GPX8: variants seen among roughly 807,000 people sequenced by gnomAD.
The protein encoded by GPX8 is glutathione peroxidase 8 (putative).
A neutral mutation model predicts 17.8 loss-of-function variants in GPX8; 12 were observed. The ratio of observed to expected loss-of-function variants is 0.67; its 90% CI spans 0.43 to 1.09. GPX8 has a LOEUF of 1.09. Among genes scored for constraint, GPX8 ranks in the 50% least tolerant of loss-of-function variants. The pLI is 0.00. For missense variants in GPX8, 209 were observed against 235.6 expected (o/e 0.89, Z 0.74); for synonymous variants, 86 against 88.1 (o/e 0.98, Z 0.14).
intron 2 of GPX8, among the ~76,000 whole-genome samples, chr5:55,162,887 C>CCTT (rs1286259832): frequency 6.6e-6 from 1 of 152,148 alleles, no homozygotes; most frequent in African/African-American, 2.4e-5. Context: ...GATCATAGAG[C>CCTT]CCAAAGGTTA....
intron 2 of GPX8, among the ~76,000 whole-genome samples, chr5:55,163,024 C>T (rs910247296): frequency 1.3e-5 from 2 of 152,096 alleles, no homozygotes; most frequent in African/African-American, 4.8e-5. Context: ...TAATACCCAC[C>T]TCATAGGGTC....
Position 55,166,642 on chromosome 5 carries a change from T to C in GPX8, c.*2424T>C, listed in dbSNP as rs939878863. The stretch of plus-strand genomic sequence containing the variant: ...GAGGAAAAGTTGAATCTTTCCTATA[T>C]TGGACAATCTTCCTTCAGTCTTGTT... On this transcript the variant is annotated 3_prime_UTR_variant, in exon 3 of 3. Transcript: ENST00000503787. 1 of 152,206 alleles carries C rather than the reference T, an allele frequency of 6.6e-6. No homozygotes were observed. The highest frequency in any genetic ancestry group is 1.5e-5 in the Non-Finnish European group (1 of 68,044). The allele number at this position is 152,206 out of a possible 1,614,324, so 9.4% of individuals were successfully genotyped here.
At position 55,164,128 on chromosome 5, in the gene GPX8, C is replaced by T. The variant is rs747296757; in HGVS notation, c.540C>T (p.Phe180=). 1 of 1,607,314 alleles carries T rather than the reference C, an allele frequency of 6.2e-7. No homozygotes were observed. The highest frequency in any genetic ancestry group is 1.1e-5 in the South Asian group (1 of 90,128). ...ACCCTGAGGGTCAAGTTGTGAAGTT[C>T]TGGAAGCCAGAGGAGCCCATTGAAG... ...LVNPEGQVVK[F]WKPEEPIEVI... is the part of the protein sequence containing the mutation. The change falls in exon 3 of 3, where the codon TTC becomes TTT. Residue 180 remains phenylalanine, a synonymous_variant. Transcript: ENST00000503787.
rs939538097 is a variant in GPX8, at chr5:55,161,892, T to C, written c.466+637T>C. ...GACAGCATAGGCTTTGGCCTCAAGC[T>C]ACCTGGGTTCAAACCCCTGCTCTTT... On this transcript the variant is annotated intron_variant, in intron 2 of 2. Transcript: ENST00000503787. Among the ~76,000 whole-genome samples, 7 of 152,168 alleles carry C rather than the reference T, an allele frequency of 4.6e-5. No individual in the cohort carries two copies. In the East Asian group the frequency reaches 1.3e-3, roughly 29 times the overall value.
At chr5:55,163,634 G>T (rs762888009) in intron 2 of GPX8, among the ~76,000 whole-genome samples, 2 of 151,628 alleles carry the variant, frequency 1.3e-5, no homozygotes, top group Non-Finnish European at 2.9e-5. Flanking sequence ...AGCCTCCCGA[G>T]TAGCTGGGAT....
In GPX8 at chr5:55,164,427, T is replaced by G; in HGVS notation, c.*209T>G. ...TTTTTTTTTAATGTTATCTTGCTAT[T>G]AAGTGGTAATGAATGTTCCCAGGAT... On this transcript the variant is annotated 3_prime_UTR_variant, in exon 3 of 3. Transcript: ENST00000503787. 3.0e-6 allele frequency: 1 copy of G among 337,940 alleles called. No homozygotes were observed. Among genetic ancestry groups the G allele is most frequent in the East Asian group, 4.6e-5 (1 of 21,958 alleles). 20.9% of individuals were successfully genotyped at this position (337,940 alleles called of 1,614,324 possible).
In GPX8 at chr5:55,166,706, T is replaced by C. The variant is rs1323939122; in HGVS notation, c.*2488T>C. ...GTCTGGGACACAGAGTGCTACAGGA[T>C]GCCTGGGCTAAGGACTGTAACAGAA... is the stretch of plus-strand genomic sequence containing the variant. On this transcript the variant is annotated 3_prime_UTR_variant, in exon 3 of 3. Transcript: ENST00000503787. 9 of 152,244 alleles carry C rather than the reference T, an allele frequency of 5.9e-5. No individual in the cohort carries two copies. The highest frequency in any genetic ancestry group is 1.4e-4 in the African/African-American group (6 of 41,428). 9.4% of individuals were successfully genotyped at this position (152,244 alleles called of 1,614,324 possible). A position where few individuals can be genotyped will look rare whatever the true frequency, so the allele number is the denominator to read the frequency against.
chr5:55,161,137 C>T lies in GPX8; in HGVS notation c.348C>T (p.Pro116=). ...GCAATCAGTTTGGAGAATCGGAGCC[C>T]CGCCCAAGCAAGGAAGTAGAATCTT... is the stretch of plus-strand genomic sequence containing the variant. ...FPCNQFGESE[P]RPSKEVESFA... The change falls in exon 2 of 3, where the codon CCC becomes CCT. Residue 116 remains proline (P), a synonymous_variant. Coordinates refer to ENST00000503787, the MANE Select transcript of GPX8 (RefSeq NM_001008397.4). 1 of 1,614,176 alleles carries T rather than the reference C, an allele frequency of 6.2e-7. No homozygotes were observed. Among genetic ancestry groups the T allele is most frequent in the Non-Finnish European group, 8.5e-7 (1 of 1,180,022 alleles).
In GPX8 at chr5:55,161,018, A is replaced by G; in HGVS notation, c.229A>G (p.Ser77Gly). 1.2e-6 allele frequency: 2 copies of G among 1,613,688 alleles called. No homozygotes were observed. Among genetic ancestry groups the G allele is most frequent in the South Asian group, 1.1e-5 (1 of 90,886 alleles). The change falls in exon 2 of 3, where the codon AGT (serine) becomes GGT (glycine). Residue 77 changes from serine (S) to glycine (G), a missense_variant. Transcript: ENST00000503787. ...GGTTTCACTAGTTGTAAACGTGGCC[A>G]GTGACTGCCAACTCACAGACAGAAA... is the stretch of plus-strand genomic sequence containing the variant. ...GKVSLVVNVA[S>G]DCQLTDRNYL...
At chr5:55,161,365 A>C in intron 2 of GPX8, 110 bp downstream of exon 2, 3 of 1,066,688 alleles carry the variant, frequency 2.8e-6, no homozygotes, top group Non-Finnish European at 4.1e-6. Context: ...GGAAAGCTTC[A>C]TAAAACTATC....
At chr5:55,160,452 C>T in intron 1 of GPX8, 56 bp downstream of exon 1, 2 of 1,416,724 alleles carry the variant, frequency 1.4e-6, no homozygotes, top group Non-Finnish European at 2.0e-6. Context: ...TCTGTTTATT[C>T]CTCTTAATAA....
At position 55,161,268 on chromosome 5, in the gene GPX8, C is replaced by T; in HGVS notation, c.466+13C>T. ...AGATTTCTTGTTGGTAAATATCTGC[C>T]TTGCATATGCTGTTTTAAATTGCTT... On this transcript the variant is annotated intron_variant, in intron 2 of 2. Coordinates refer to ENST00000503787, the MANE Select transcript of GPX8 (RefSeq NM_001008397.4). 6.2e-7 allele frequency: 1 copy of T among 1,607,040 alleles called. No homozygotes were observed. Among genetic ancestry groups the T allele is most frequent in the Non-Finnish European group, 8.5e-7 (1 of 1,175,618 alleles).
At chr5:55,160,903 C>A in intron 1 of GPX8, 91 bp from the exon 2 acceptor site, 1 of 1,312,638 alleles carries the variant, frequency 7.6e-7, no homozygotes. Context: ...GTTATAGTCC[C>A]CCCCAAATTG....
intron 2 of GPX8, among the ~76,000 whole-genome samples, chr5:55,163,185 GA>G (rs905897581): frequency 2.6e-5 from 4 of 151,732 alleles, no homozygotes; most frequent in South Asian, 4.2e-4. Context: ...GGTATAAATA[GA>G]AAAAAAATCT....
intron 1 of GPX8, 122 bp downstream of exon 1, chr5:55,160,518 G>A: frequency 1.5e-6 from 1 of 677,354 alleles, no homozygotes; most frequent in Non-Finnish European, 2.5e-6. Context: ...TCAGAGTAAT[G>A]GTATTAGTAC....
At position 55,160,177 on chromosome 5, in the gene GPX8, T is replaced by C. The variant is rs1441256439; in HGVS notation, c.-16T>C. 9 of 1,605,518 alleles carry C rather than the reference T, an allele frequency of 5.6e-6. No homozygotes were observed. Among genetic ancestry groups the C allele is most frequent in the Non-Finnish European group, 6.8e-6 (8 of 1,172,374 alleles). On this transcript the variant is annotated 5_prime_UTR_variant, in exon 1 of 3. Transcript: ENST00000503787. The stretch of plus-strand genomic sequence containing the variant: ...GAATTCCAGGCTGCTGAGACTTCCC[T>C]CTAGAATCCTCCAACATGGAGCCTC...
intron 2 of GPX8, among the ~76,000 whole-genome samples, chr5:55,163,416 T>A (rs1744197095): frequency 1.3e-5 from 2 of 152,040 alleles, no homozygotes; most frequent in South Asian, 4.2e-4. Context: ...CAAAACCCTA[T>A]CTCTACTCAA....
chr5:55,164,314 G>A lies in GPX8; in HGVS notation c.*96G>A. 1.1e-6 allele frequency: 1 copy of A among 907,876 alleles called. No homozygotes were observed. Among genetic ancestry groups the A allele is most frequent in the African/African-American group, 1.7e-5 (1 of 58,984 alleles). The allele number at this position is 907,876 out of a possible 1,614,324, so 56.2% of individuals were successfully genotyped here. On this transcript the variant is annotated 3_prime_UTR_variant, in exon 3 of 3. Transcript: ENST00000503787. ...TTTTTTGGAGACAGTGTCTCACTCTGTCACCCAGGCTGGAGTGCAGTAGTG... is the reference window on the plus strand; with the variant it reads ...TTTTTTGGAGACAGTGTCTCACTCTATCACCCAGGCTGGAGTGCAGTAGTG...
In GPX8 at chr5:55,160,197, A is replaced by C; in HGVS notation, c.5A>C (p.Glu2Ala). The change falls in exon 1 of 3, where the codon GAG becomes GCG. Residue 2 changes from glutamate (E) to alanine (A), a missense_variant. By Grantham distance (107) the Glu-to-Ala change is moderately radical. Transcript: ENST00000503787. ...TTCCCTCTAGAATCCTCCAACATGGAGCCTCTTGCAGCTTACCCGCTAAAA... is the reference window on the plus strand; with the variant it reads ...TTCCCTCTAGAATCCTCCAACATGGCGCCTCTTGCAGCTTACCCGCTAAAA... The part of the protein sequence containing the change: M[E>A]PLAAYPLKCS... The C allele has an allele frequency of 6.2e-7, 1 of 1,613,264 alleles. No individual in the cohort carries two copies.
Sources: gnomAD v4.1 joint callset for allele counts (sites outside exome capture counted in the v4.1 genomes callset) on GRCh38, gnomAD v4.1.1 for gene constraint, MANE v1.5 for transcripts, NCBI Gene and HGNC (gene_info 2026-07-23, HGNC 2026-07-21) for gene names.